The following TTC23 variants were observed in gnomAD, a reference collection of about 807,000 sequenced individuals.
The protein encoded by TTC23 is tetratricopeptide repeat protein 23.
A neutral mutation model predicts 55.1 loss-of-function variants in TTC23; 58 were observed. That is an observed-to-expected ratio of 1.05 (90% CI 0.85 to 1.31). TTC23 has a LOEUF of 1.31. Among genes scored for constraint, TTC23 ranks in the 50% most tolerant of loss-of-function variants. The probability of loss-of-function intolerance (pLI) is 0.00; values close to 1 mark genes in which losing one functional copy is unlikely to be tolerated. For missense variants in TTC23, 516 were observed against 534.4 expected (o/e 0.97, Z 0.34); for synonymous variants, 203 against 199.9 (o/e 1.02, Z -0.13).
At position 99,178,631 on chromosome 15, in the gene TTC23, T is replaced by C. The variant is rs1195933454; in HGVS notation, c.760-3476A>G. Among the ~76,000 whole-genome samples the C allele has an allele frequency of 2.6e-5, 4 of 152,236 alleles. No homozygotes were observed. In the East Asian group the frequency reaches 7.7e-4, roughly 29 times the overall value. ...AAAATGTAGGATAGTTTGTATTTTA[T>C]GCAGATTTACAGACACTGCCCCTCA... On this transcript the variant is annotated intron_variant, in intron 9 of 13. Coordinates refer to ENST00000394132, the MANE Select transcript of TTC23 (RefSeq NM_001288615.3).
intron 8 of TTC23, among the ~76,000 whole-genome samples, chr15:99,209,929 T>C (rs1357950581): frequency 6.6e-6 from 1 of 152,030 alleles, no homozygotes; most frequent in Non-Finnish European, 1.5e-5. Flanking sequence ...TATGTATTAG[T>C]TGTATTAATT....
At chr15:99,139,286 G>A in intron 13 of TTC23, 31 bp downstream of exon 13, 2 of 941,732 alleles carry the variant, frequency 2.1e-6, no homozygotes, top group Non-Finnish European at 1.4e-6. Context: ...AAGGGAATGA[G>A]ATAGAGAAAG....
intron 12 of TTC23, among the ~76,000 whole-genome samples, chr15:99,154,414 T>C (rs553964454): frequency 6.6e-6 from 1 of 152,266 alleles, no homozygotes; most frequent in South Asian, 2.1e-4. Flanking sequence ...GAGAGTGGAT[T>C]AGGCCATGAG....
chr15:99,158,018 AATCC>A (rs1308159226), intron 11 of TTC23: 20 of 152,258 alleles, frequency 1.3e-4, no homozygotes, highest in Non-Finnish European at 2.5e-4. Context: ...GAGGGCGTTT[AATCC>A]TTTTGTTGGC....
At chr15:99,162,005 GC>G in intron 10 of TTC23, 138 bp from the exon 11 acceptor site, 1 of 845,688 alleles carries the variant, frequency 1.2e-6, no homozygotes. Context: ...ACTGTCCTTT[GC>G]CCATTAATCT....
chr15:99,220,830 A>G (rs2077862492), intron 6 of TTC23, among the ~76,000 whole-genome samples: 1 of 152,162 alleles, frequency 6.6e-6, no homozygotes, highest in African/African-American at 2.4e-5. Flanking sequence ...TAGGCTGCAC[A>G]GTCAGTAAGT....
chr15:99,143,901 G>A (rs1273204581), intron 12 of TTC23, among the ~76,000 whole-genome samples: 1 of 152,138 alleles, frequency 6.6e-6, no homozygotes, highest in East Asian at 1.9e-4. Flanking sequence ...GGACAAACAT[G>A]TAAGCTGGGG....
At chr15:99,200,718 C>T (rs1353783715) in intron 8 of TTC23, among the ~76,000 whole-genome samples, 1 of 152,090 alleles carries the variant, frequency 6.6e-6, no homozygotes, top group African/African-American at 2.4e-5. Context: ...AATTCCAATT[C>T]TAGGAATTTA....
rs745612388 is a variant in TTC23 at position 99,161,818 on chromosome 15, A to C, written c.915T>G (p.Ser305=). 9 of 1,613,508 alleles carry C rather than the reference A, an allele frequency of 5.6e-6. No individual in the cohort carries two copies. The Admixed American group carries it at 1.3e-4, about 24-fold the overall frequency. Residue 305 remains serine (S), a synonymous_variant, in exon 11 of 14, where the codon TCT becomes TCG. Coordinates refer to ENST00000394132, the MANE Select transcript of TTC23 (RefSeq NM_001288615.3). The part of the protein sequence containing the change: ...FQESMAHLKD[S]EGMGRTKFLS... ...GAAATTTGGTTCTTCCCATCCCTTC[A>C]GAATCCTTAAGATGAGCCATGCTCT... is the stretch of plus-strand genomic sequence containing the variant.
intron 4 of TTC23, among the ~76,000 whole-genome samples, chr15:99,233,201 C>T (rs2079066281): frequency 6.6e-6 from 1 of 152,074 alleles, no homozygotes; most frequent in Non-Finnish European, 1.5e-5. Context: ...TTGAAAATTG[C>T]TAAGAAAGTA....
In TTC23 at chr15:99,200,039, C is replaced by A; in HGVS notation, c.639G>T (p.Leu213Phe). Residue 213 changes from leucine (L) to phenylalanine (F), a missense_variant, in exon 9 of 14, where the codon TTG becomes TTT. Physicochemically the swap from Leu to Phe is conservative, Grantham distance 22. Transcript: ENST00000394132. The stretch of plus-strand genomic sequence containing the variant: ...CACCTTTACTGATCTCAACATATTC[C>A]AAAGCTGCTTGATAGTGGGACAAAG... ...KEALSHYQAA[L>F]EYVEISKGET... is the part of the protein sequence containing the mutation. 6.2e-7 allele frequency: 1 copy of A among 1,613,556 alleles called. No individual in the cohort carries two copies. Among genetic ancestry groups the A allele is most frequent in the Non-Finnish European group, 8.5e-7 (1 of 1,179,692 alleles).
At chr15:99,248,795 G>T (rs2080482306) in intron 1 of TTC23, among the ~76,000 whole-genome samples, 1 of 152,072 alleles carries the variant, frequency 6.6e-6, no homozygotes, top group Non-Finnish European at 1.5e-5. Flanking sequence ...AAATTCTTTT[G>T]TATTTGTTTT....
At chr15:99,149,274 A>G (rs1200741580) in intron 12 of TTC23, among the ~76,000 whole-genome samples, 1 of 152,218 alleles carries the variant, frequency 6.6e-6, no homozygotes, top group Non-Finnish European at 1.5e-5. Flanking sequence ...AACTGCACGC[A>G]CCACAGTGCA....
intron 9 of TTC23, among the ~76,000 whole-genome samples, chr15:99,175,587 A>T (rs2073459472): frequency 1.3e-5 from 2 of 152,120 alleles, no homozygotes; most frequent in South Asian, 4.2e-4. Context: ...AGATATACAG[A>T]CCCCTCCTTT....
At chr15:99,220,603 ATAGG>A (rs2077843144) in intron 6 of TTC23, among the ~76,000 whole-genome samples, 1 of 152,228 alleles carries the variant, frequency 6.6e-6, no homozygotes, top group Non-Finnish European at 1.5e-5. Flanking sequence ...CTTTGATCTA[ATAGG>A]TAGGACCAGT....
At chr15:99,234,214 G>GA (rs1031565110) in intron 4 of TTC23, among the ~76,000 whole-genome samples, 2 of 152,138 alleles carry the variant, frequency 1.3e-5, no homozygotes, top group Non-Finnish European at 2.9e-5. Context: ...CTCTTCAAGA[G>GA]AAACTGTTAA....
chr15:99,200,104 A>G lies in TTC23; in HGVS notation c.582-8T>C. On this transcript the variant is annotated splice_polypyrimidine_tract_variant and splice_region_variant and intron_variant, in intron 8 of 13. Coordinates refer to ENST00000394132, the MANE Select transcript of TTC23 (RefSeq NM_001288615.3). ...TTCTGACCTTGATACACCCTAAAAA[A>G]ATCAAAGGAATTATTTTATTTAATA... 1.9e-6 allele frequency: 3 copies of G among 1,564,066 alleles called. No homozygotes were observed. The highest frequency in any genetic ancestry group is 2.6e-6 in the Non-Finnish European group (3 of 1,160,576).
chr15:99,204,774 T>C (rs2076486351), intron 8 of TTC23, among the ~76,000 whole-genome samples: 1 of 151,044 alleles, frequency 6.6e-6, no homozygotes, highest in African/African-American at 2.4e-5. Context: ...TAGCTGGGAC[T>C]ATAGGTGCAC....
At chr15:99,165,373 A>G (rs1352555463) in intron 10 of TTC23, among the ~76,000 whole-genome samples, 2 of 152,244 alleles carry the variant, frequency 1.3e-5, no homozygotes, top group South Asian at 2.1e-4. Flanking sequence ...TGATCTAATT[A>G]CATTCCATAG....
Sources: allele counts gnomAD v4.1 joint callset (sites outside exome capture counted in the v4.1 genomes callset), GRCh38; gene constraint gnomAD v4.1.1; transcripts MANE v1.5; gene names NCBI Gene and HGNC (gene_info 2026-07-23, HGNC 2026-07-21).